Variants in SGCD observed in about 807,000 individuals in gnomAD.
SGCD encodes the protein delta-sarcoglycan.
SGCD carries 18 observed loss-of-function variants against 36.6 expected under a neutral mutation model. The ratio of observed to expected loss-of-function variants is 0.49; its 90% CI spans 0.34 to 0.73. The LOEUF (loss-of-function observed/expected upper bound fraction) is 0.73, where lower values mean the gene tolerates loss of function less well. SGCD is among the 30% of genes least tolerant of loss of function. The pLI, the probability that SGCD is intolerant of heterozygous loss-of-function variation, is 0.01. For synonymous variants in SGCD, 133 were observed against 130.6 expected (o/e 1.02, Z -0.12); for missense variants, 387 against 346.7 (o/e 1.12, Z -0.92).
chr5:156,127,065 A>G (rs115636284), intron 3 of SGCD, among the ~76,000 whole-genome samples: 1,673 of 152,338 alleles, frequency 0.011, 19 homozygotes, highest in Middle Eastern at 0.024. Context: ...TCTAAAAACT[A>G]GGAGAATCTA....
At chr5:155,974,824 G>T (rs1287082249) in intron 1 of SGCD, among the ~76,000 whole-genome samples, 1 of 151,956 alleles carries the variant, frequency 6.6e-6, no homozygotes, top group Non-Finnish European at 1.5e-5. Context: ...AGAATGGGAG[G>T]CCTCATCTCC....
chr5:155,817,697 A>G, the SGCD span, among the ~76,000 whole-genome samples: 2 of 152,232 alleles, frequency 1.3e-5, no homozygotes, highest in Non-Finnish European at 2.9e-5. Context: ...AGAACAAACC[A>G]GGAGAATTTT....
intron 3 of SGCD, among the ~76,000 whole-genome samples, chr5:156,261,315 T>G (rs1007759642): frequency 6.6e-6 from 1 of 152,224 alleles, no homozygotes; most frequent in African/African-American, 2.4e-5. Flanking sequence ...TTGGTGTATG[T>G]TTTCCTGGTT....
chr5:155,989,144 G>A (rs1433383832), intron 1 of SGCD, among the ~76,000 whole-genome samples: 2 of 152,190 alleles, frequency 1.3e-5, no homozygotes, highest in African/African-American at 4.8e-5. Context: ...GAAACCCACT[G>A]AAGTTAGCTG....
chr5:155,733,037 A>T, the SGCD span, among the ~76,000 whole-genome samples: 65,420 of 143,550 alleles, frequency 0.46, 15,451 homozygotes, highest in African/African-American at 0.61. Context: ...TTTTTTTCCC[A>T]GTGCCAAGTC....
chr5:156,641,186 G>A (rs938299695), intron 6 of SGCD, among the ~76,000 whole-genome samples: 6 of 152,168 alleles, frequency 3.9e-5, no homozygotes, highest in Admixed American at 2.6e-4. Context: ...GGCATTTCCT[G>A]TGGTTAGTTG....
intron 3 of SGCD, among the ~76,000 whole-genome samples, chr5:156,369,517 G>T (rs1770276522): frequency 6.6e-6 from 1 of 152,112 alleles, no homozygotes; most frequent in African/African-American, 2.4e-5. Context: ...AATATGTTTT[G>T]GTTGCTGTTA....
chr5:155,962,585 A>G (rs10075283), intron 1 of SGCD, among the ~76,000 whole-genome samples: 3,783 of 152,210 alleles, frequency 0.025, 158 homozygotes, highest in African/African-American at 0.081. Flanking sequence ...GAAAGCAATG[A>G]GCTGTGCTTC....
At chr5:156,502,910 T>C (rs891365004) in intron 3 of SGCD, among the ~76,000 whole-genome samples, 1 of 152,220 alleles carries the variant, frequency 6.6e-6, no homozygotes, top group Non-Finnish European at 1.5e-5. Context: ...TAGAGGCCAG[T>C]AACAAAAATT....
chr5:156,406,940 A>G (rs1036495333), intron 3 of SGCD, among the ~76,000 whole-genome samples: 2 of 151,618 alleles, frequency 1.3e-5, no homozygotes, highest in South Asian at 4.2e-4. Flanking sequence ...GAGGAGAGCC[A>G]GTCCTAGTCT....
intron 3 of SGCD, among the ~76,000 whole-genome samples, chr5:156,470,757 G>A (rs1365835356): frequency 6.6e-6 from 1 of 152,076 alleles, no homozygotes; most frequent in Non-Finnish European, 1.5e-5. Context: ...ATCATAATAA[G>A]GACTAATTTT....
chr5:156,222,220 A>C (rs1764733989), intron 3 of SGCD, among the ~76,000 whole-genome samples: 1 of 152,114 alleles, frequency 6.6e-6, no homozygotes, highest in African/African-American at 2.4e-5. Context: ...AAGTAGAAGA[A>C]GTTCCCATGA....
At chr5:156,315,382 A>T (rs1004873001) in intron 3 of SGCD, among the ~76,000 whole-genome samples, 3 of 151,946 alleles carry the variant, frequency 2.0e-5, no homozygotes, top group African/African-American at 7.2e-5. Flanking sequence ...CACAAATGGC[A>T]GCAGGATTTA....
At chr5:156,748,433 T>G (rs1757027277) in intron 7 of SGCD, among the ~76,000 whole-genome samples, 1 of 152,168 alleles carries the variant, frequency 6.6e-6, no homozygotes. Context: ...CATAATAGAA[T>G]AGTTGATATT....
At chr5:156,603,765 C>T (rs1761296565) in intron 6 of SGCD, among the ~76,000 whole-genome samples, 1 of 151,936 alleles carries the variant, frequency 6.6e-6, no homozygotes. Flanking sequence ...AAAAAAAATG[C>T]TTGATATAAT....
intron 3 of SGCD, among the ~76,000 whole-genome samples, chr5:156,304,311 G>C (rs1183544284): frequency 1.3e-5 from 2 of 152,136 alleles, no homozygotes; most frequent in Non-Finnish European, 2.9e-5. Flanking sequence ...GGAACCCGGT[G>C]GGAGGTAATT....
At chr5:156,352,882 A>G (rs1769325622) in intron 3 of SGCD, among the ~76,000 whole-genome samples, 1 of 152,170 alleles carries the variant, frequency 6.6e-6, no homozygotes, top group Admixed American at 6.5e-5. Flanking sequence ...CTCTACAGTC[A>G]CTGCTCTTCT....
chr5:155,938,566 A>C (rs1581000930), intron 1 of SGCD, among the ~76,000 whole-genome samples: 1 of 152,142 alleles, frequency 6.6e-6, no homozygotes, highest in East Asian at 1.9e-4. Flanking sequence ...AGTTAATAGG[A>C]ATGTTCTTAA....
intron 2 of SGCD, among the ~76,000 whole-genome samples, chr5:156,119,597 T>G (rs1394574223): frequency 6.6e-6 from 1 of 152,112 alleles, no homozygotes; most frequent in Non-Finnish European, 1.5e-5. Flanking sequence ...TAAATTTAAA[T>G]TCGTCATTAG....
Sources: gnomAD v4.1 joint callset for allele counts (sites outside exome capture counted in the v4.1 genomes callset) on GRCh38, gnomAD v4.1.1 for gene constraint, MANE v1.5 for transcripts, NCBI Gene and HGNC (gene_info 2026-07-23, HGNC 2026-07-21) for gene names.